The following NCKAP1 variants were observed in gnomAD, a reference collection of about 807,000 sequenced individuals.
NCKAP1 encodes the protein nck-associated protein 1.
A neutral mutation model predicts 151.2 loss-of-function variants in NCKAP1; 21 were observed. The ratio of observed to expected loss-of-function variants is 0.14; its 90% CI spans 0.10 to 0.20. The LOEUF is 0.20. Among genes scored for constraint, NCKAP1 ranks in the 10% least tolerant of loss-of-function variants. NCKAP1 has a pLI of 1.00. For synonymous variants in NCKAP1, 484 were observed against 451.8 expected, an observed-to-expected ratio of 1.07 and a Z score of -0.90; for missense variants, 933 against 1,352.1, an observed-to-expected ratio of 0.69 and a Z score of 4.86.
chr2:183,002,488 G>A (rs750357309), intron 4 of NCKAP1, among the ~76,000 whole-genome samples: 6 of 152,092 alleles, frequency 3.9e-5, no homozygotes, highest in Non-Finnish European at 5.9e-5. Flanking sequence ...AAGAAAAAGA[G>A]CTTGTGATCA....
chr2:182,960,936 T>C (rs926107551), intron 18 of NCKAP1, among the ~76,000 whole-genome samples: 2 of 152,138 alleles, frequency 1.3e-5, no homozygotes, highest in African/African-American at 4.8e-5. Context: ...AAACAGACAC[T>C]TCTCAGAAGA....
intron 2 of NCKAP1, among the ~76,000 whole-genome samples, chr2:183,022,682 T>G (rs1028445580): frequency 3.9e-5 from 6 of 152,188 alleles, no homozygotes; most frequent in Non-Finnish European, 7.3e-5. Flanking sequence ...AGACTTGATT[T>G]TGTTTAAAAA....
chr2:182,936,563 G>A (rs1696880230), intron 24 of NCKAP1, among the ~76,000 whole-genome samples: 1 of 152,104 alleles, frequency 6.6e-6, no homozygotes, highest in Non-Finnish European at 1.5e-5. Context: ...TACAGTAACT[G>A]TTAAAGTTAC....
intron 8 of NCKAP1, among the ~76,000 whole-genome samples, chr2:182,993,519 G>A (rs981282537): frequency 6.6e-6 from 1 of 152,102 alleles, no homozygotes; most frequent in African/African-American, 2.4e-5. Context: ...TATTAAACCT[G>A]TGTGTCTCCA....
chr2:182,946,061 GA>G (rs1175148773), intron 23 of NCKAP1, among the ~76,000 whole-genome samples: 1 of 152,136 alleles, frequency 6.6e-6, no homozygotes, highest in East Asian at 1.9e-4. Context: ...CACAGAAAGA[GA>G]AAACCAAACA....
intron 24 of NCKAP1, 81 bp from the exon 25 acceptor site, chr2:182,935,456 T>C (rs1370813470): frequency 1.4e-6 from 1 of 729,014 alleles, no homozygotes; most frequent in Non-Finnish European, 2.1e-6. Context: ...AAAATCTAAA[T>C]TTATTAAAGT....
chr2:182,993,296 AT>A (rs1698203732), intron 8 of NCKAP1, among the ~76,000 whole-genome samples: 1 of 152,092 alleles, frequency 6.6e-6, no homozygotes, highest in African/African-American at 2.4e-5. Context: ...CCTTTGTGAA[AT>A]TTTTTCCCGT....
Position 182,981,322 on chromosome 2 carries a change from T to C in NCKAP1, c.1263A>G (p.Lys421=), listed in dbSNP as rs778278827. Residue 421 remains lysine (K), a synonymous_variant, in exon 13 of 31, where the codon AAA becomes AAG. Transcript: ENST00000361354. The part of the protein sequence containing the change: ...YMEELRAHVR[K]YGPVMQRYYV... ...AATACCTCTGCATTACAGGTCCGTATTTCCTCACATGTGCTCTAAGTTCTT... is the reference window on the plus strand; with the variant it reads ...AATACCTCTGCATTACAGGTCCGTACTTCCTCACATGTGCTCTAAGTTCTT... 1 of 1,613,698 alleles carries C rather than the reference T, an allele frequency of 6.2e-7. No homozygotes were observed. The highest frequency in any genetic ancestry group is 8.5e-7 in the Non-Finnish European group (1 of 1,179,598).
chr2:183,007,225 T>C (rs1023872482), intron 2 of NCKAP1, among the ~76,000 whole-genome samples: 13 of 152,218 alleles, frequency 8.5e-5, no homozygotes, highest in African/African-American at 3.1e-4. Flanking sequence ...GCAAATATTT[T>C]AGCAAAGAAT....
intron 24 of NCKAP1, among the ~76,000 whole-genome samples, chr2:182,937,284 T>C (rs1433790119): frequency 6.6e-6 from 1 of 152,076 alleles, no homozygotes; most frequent in African/African-American, 2.4e-5. Context: ...TAATGACACA[T>C]TAAAAGTTCT....
intron 9 of NCKAP1, 150 bp from the exon 10 acceptor site, chr2:182,986,377 C>T (rs1477912027): frequency 1.6e-6 from 1 of 621,944 alleles, no homozygotes. Context: ...TCTACCCACA[C>T]TTTTTCCTAG....
At chr2:182,987,574 T>C (rs1299043062) in intron 9 of NCKAP1, among the ~76,000 whole-genome samples, 3 of 152,210 alleles carry the variant, frequency 2.0e-5, no homozygotes, top group East Asian at 3.8e-4. Flanking sequence ...ACTTGCACCA[T>C]ACATAAGTTC....
chr2:182,957,336 A>G, intron 19 of NCKAP1, 121 bp downstream of exon 19: 2 of 1,100,560 alleles, frequency 1.8e-6, no homozygotes, highest in Non-Finnish European at 2.5e-6. Flanking sequence ...ATATTTTTTA[A>G]AATGGCTGGA....
At chr2:182,995,611 A>G in intron 7 of NCKAP1, 90 bp downstream of exon 7, 1 of 1,191,678 alleles carries the variant, frequency 8.4e-7, no homozygotes, top group South Asian at 1.5e-5. Context: ...AGCTAATGCT[A>G]ATTAGAAACA....
chr2:183,005,485 T>C (rs974955441), intron 2 of NCKAP1, among the ~76,000 whole-genome samples: 6 of 152,172 alleles, frequency 3.9e-5, no homozygotes, highest in African/African-American at 1.2e-4. Flanking sequence ...AGAGCCAAGA[T>C]TGGAAATCTC....
At chr2:182,973,312 TA>T (rs1052895263) in intron 15 of NCKAP1, among the ~76,000 whole-genome samples, 1 of 152,036 alleles carries the variant, frequency 6.6e-6, no homozygotes, top group African/African-American at 2.4e-5. Flanking sequence ...AACATGTTAC[TA>T]AAAAAGAATA....
At chr2:182,956,697 A>G (rs948547581) in intron 19 of NCKAP1, 104 bp from the exon 20 acceptor site, 11 of 1,224,858 alleles carry the variant, frequency 9.0e-6, no homozygotes, top group Non-Finnish European at 1.2e-5. Context: ...ATGCTTAGAG[A>G]ATTCGACTTT....
At chr2:182,970,670 G>A (rs939975304) in intron 15 of NCKAP1, among the ~76,000 whole-genome samples, 6 of 152,136 alleles carry the variant, frequency 3.9e-5, no homozygotes, top group African/African-American at 1.4e-4. Flanking sequence ...ACACTGAATT[G>A]GGGAAAACTG....
In NCKAP1 at chr2:182,995,849, T is replaced by A. The variant is rs1313344771; in HGVS notation, c.604-11A>T. Reference sequence around the variant, plus strand: ...TGCATCTGAAAGAGACTAATTAAAATACGAAAAAAAAGCTGAAGAATAATT... The same window carrying A: ...TGCATCTGAAAGAGACTAATTAAAAAACGAAAAAAAAGCTGAAGAATAATT... On this transcript the variant is annotated splice_polypyrimidine_tract_variant and intron_variant, in intron 6 of 30. Transcript: ENST00000361354. 2 of 1,598,322 alleles carry A rather than the reference T, an allele frequency of 1.3e-6. No homozygotes were observed. Among genetic ancestry groups the A allele is most frequent in the Admixed American group, 1.7e-5 (1 of 59,036 alleles).
Sources: gnomAD v4.1 joint callset for allele counts (sites outside exome capture counted in the v4.1 genomes callset) on GRCh38, gnomAD v4.1.1 for gene constraint, MANE v1.5 for transcripts, NCBI Gene and HGNC (gene_info 2026-07-23, HGNC 2026-07-21) for gene names.